The following TMEM114 variants were observed in gnomAD, a reference collection of about 807,000 sequenced individuals.
TMEM114 encodes the protein transmembrane protein 114.
In TMEM114, 6 loss-of-function variants were observed where a neutral mutation model predicts 6.2. The observed-to-expected ratio is 0.97, with a 90% CI of 0.53 to 1.91. The LOEUF (loss-of-function observed/expected upper bound fraction) is 1.91, where lower values mean the gene tolerates loss of function less well. Ranked by LOEUF, TMEM114 falls within the 40% of genes most tolerant of loss-of-function variation. TMEM114 has a pLI of 0.01. For missense variants in TMEM114, 218 were observed against 158.3 expected (o/e 1.38, Z -2.02); for synonymous variants, 104 against 73.0 (o/e 1.42, Z -2.16).
At chr16:8,588,238 G>C (rs1310053843) in intron 2 of TMEM114, among the ~76,000 whole-genome samples, 1 of 149,114 alleles carries the variant, frequency 6.7e-6, no homozygotes, top group Non-Finnish European at 1.5e-5. Flanking sequence ...AGTGAGCCAA[G>C]ATTATGCCAC....
chr16:8,573,741 T>C (rs983815346), intron 2 of TMEM114, among the ~76,000 whole-genome samples: 11 of 152,202 alleles, frequency 7.2e-5, no homozygotes. Flanking sequence ...AGTCTTTCCT[T>C]ACACTGCATT....
chr16:8,576,268 C>T (rs924041282), intron 2 of TMEM114, among the ~76,000 whole-genome samples: 1 of 152,218 alleles, frequency 6.6e-6, no homozygotes, highest in Non-Finnish European at 1.5e-5. Flanking sequence ...GAATTGTCTC[C>T]ACTTCCTGAT....
chr16:8,550,012 C>T (rs537579373), intron 2 of TMEM114, among the ~76,000 whole-genome samples: 6 of 152,260 alleles, frequency 3.9e-5, no homozygotes, highest in Middle Eastern at 3.4e-3. Context: ...GCCCAAGATC[C>T]CCTGGCAAAC....
Position 8,543,892 on chromosome 16 carries a change from A to G in TMEM114, n.213-6066T>C, listed in dbSNP as rs142507259. Among the ~76,000 whole-genome samples the G allele has an allele frequency of 2.5e-3, 386 of 152,344 alleles. 1 individual carries two copies. The highest frequency in any genetic ancestry group is 4.1e-3 in the Non-Finnish European group (279 of 68,036). ...AACGCTTTGTCAAAGTCCATAACAT[A>G]GGAACCTACACAGTAAATTCCTTGT... On this transcript the variant is annotated intron_variant and non_coding_transcript_variant, in intron 2 of 2. Coordinates refer to the TMEM114 transcript ENST00000623677.
the TMEM114 span, among the ~76,000 whole-genome samples, chr16:8,529,457 G>T: frequency 6.6e-6 from 1 of 152,160 alleles, no homozygotes; most frequent in African/African-American, 2.4e-5. Flanking sequence ...GAAGAGAATT[G>T]AATATCACAT....
At chr16:8,554,223 G>C (rs976752686) in intron 2 of TMEM114, among the ~76,000 whole-genome samples, 1 of 150,916 alleles carries the variant, frequency 6.6e-6, no homozygotes, top group Non-Finnish European at 1.5e-5. Context: ...TTCACTGCCT[G>C]GGCCCTGCAA....
At position 8,580,761 on chromosome 16, in the gene TMEM114, G is replaced by A. The variant is rs747239455; in HGVS notation, c.301+8452C>T. 4.5e-4 allele frequency among the ~76,000 whole-genome samples: 68 copies of A among 152,028 alleles called. 1 individual carries two copies. Among genetic ancestry groups the A allele is most frequent in the Non-Finnish European group, 8.8e-4 (60 of 68,022 alleles). Reference sequence around the variant, plus strand: ...GCTGAAGTGCCGTGGGCCTTATCTCGGCTCACTGCAACCTCCATTTCCCAG... The same window carrying A: ...GCTGAAGTGCCGTGGGCCTTATCTCAGCTCACTGCAACCTCCATTTCCCAG... On this transcript the variant is annotated intron_variant, in intron 2 of 3. Coordinates refer to ENST00000620492, the MANE Select transcript of TMEM114 (RefSeq NM_001146336.2).
intron 2 of TMEM114, among the ~76,000 whole-genome samples, chr16:8,541,900 G>A (rs1596466346): frequency 6.6e-6 from 1 of 152,270 alleles, no homozygotes; most frequent in Admixed American, 6.5e-5. Flanking sequence ...ACGTAGCACA[G>A]GCTCCAATTC....
chr16:8,541,926 G>C (rs1053522646), intron 2 of TMEM114, among the ~76,000 whole-genome samples: 3 of 152,236 alleles, frequency 2.0e-5, no homozygotes, highest in East Asian at 1.9e-4. Flanking sequence ...TTCTTTCCAA[G>C]AACAAAGGGC....
At chr16:8,564,673 ATGAGTGAATGAGTGAGTGAATGAG>A (rs201257626), downstream of TMEM114, among the ~76,000 whole-genome samples, 1 of 83,552 alleles carries the variant, frequency 1.2e-5, no homozygotes, top group African/African-American at 4.6e-5. Flanking sequence ...GAGGGAGGGA[ATGAGTGAATGAGTGAGTGAATGAG>A]TGAGTGAGTG....
chr16:8,527,460 G>A, the TMEM114 span, among the ~76,000 whole-genome samples: 1 of 152,118 alleles, frequency 6.6e-6, no homozygotes, highest in Non-Finnish European at 1.5e-5. Flanking sequence ...AGCATAAAAT[G>A]GACACTTCCC....
Position 8,590,065 on chromosome 16 carries a change from C to A in TMEM114, c.-227G>T. The A allele has an allele frequency of 2.7e-6, 1 of 375,064 alleles. No individual in the cohort carries two copies. Among genetic ancestry groups the A allele is most frequent in the Non-Finnish European group, 4.7e-6 (1 of 211,578 alleles). 23.2% of individuals were successfully genotyped at this position (375,064 alleles called of 1,614,324 possible). A position where few individuals can be genotyped will look rare whatever the true frequency, so the allele number is the denominator to read the frequency against. On this transcript the variant is annotated 5_prime_UTR_variant, in exon 1 of 4. Transcript: ENST00000620492. ...GCGCCCCCCGCTCAGCCGCCGTCCA[C>A]GTTCCCACCCCTCCAATGCCAGCTC...
intron 2 of TMEM114, among the ~76,000 whole-genome samples, chr16:8,551,809 G>A (rs1313326047): frequency 6.6e-6 from 1 of 152,090 alleles, no homozygotes; most frequent in Non-Finnish European, 1.5e-5. Flanking sequence ...TAAAACCCAT[G>A]GCCATAACTG....
At chr16:8,538,972 C>G (rs1399432309) in intron 2 of TMEM114, among the ~76,000 whole-genome samples, 1 of 152,138 alleles carries the variant, frequency 6.6e-6, no homozygotes, top group African/African-American at 2.4e-5. Flanking sequence ...TCCTCCATCT[C>G]TAGTCAAATG....
At chr16:8,563,081 ATGAG>A (rs1245923855) in intron 2 of TMEM114, among the ~76,000 whole-genome samples, 1 of 104,190 alleles carries the variant, frequency 9.6e-6, no homozygotes, top group Non-Finnish European at 2.0e-5. Context: ...GAGTAAGTGA[ATGAG>A]TGAGTGAGGG....
chr16:8,562,974 G>A (rs1470179348), intron 2 of TMEM114, among the ~76,000 whole-genome samples: 2 of 86,464 alleles, frequency 2.3e-5, no homozygotes, highest in Non-Finnish European at 5.2e-5. Flanking sequence ...GTGAGAGAGT[G>A]ATGGAGGGAA....
chr16:8,553,761 G>A (rs200570993), intron 2 of TMEM114, among the ~76,000 whole-genome samples: 1 of 151,762 alleles, frequency 6.6e-6, no homozygotes, highest in Non-Finnish European at 1.5e-5. Context: ...GATTACAGGC[G>A]TGAGCCACTG....
At chr16:8,556,083 T>G (rs1460290779) in intron 2 of TMEM114, among the ~76,000 whole-genome samples, 2 of 152,222 alleles carry the variant, frequency 1.3e-5, no homozygotes, top group Non-Finnish European at 2.9e-5. Flanking sequence ...TCCATACTCA[T>G]ATTTCATCTG....
chr16:8,550,457 G>C (rs1900804971), intron 2 of TMEM114, among the ~76,000 whole-genome samples: 2 of 149,848 alleles, frequency 1.3e-5, no homozygotes, highest in Non-Finnish European at 3.0e-5. Context: ...AAGGCGGGCG[G>C]ATGATGAGGT....
Sources: gnomAD v4.1 joint callset for allele counts (sites outside exome capture counted in the v4.1 genomes callset) on GRCh38, gnomAD v4.1.1 for gene constraint, MANE v1.5 for transcripts, NCBI Gene and HGNC (gene_info 2026-07-23, HGNC 2026-07-21) for gene names.